Variants in AP1S3 observed in about 807,000 individuals in gnomAD.
AP1S3 encodes AP-1 complex subunit sigma-3.
AP1S3 carries 10 observed loss-of-function variants against 20.9 expected under a neutral mutation model. The ratio of observed to expected loss-of-function variants is 0.48; its 90% confidence interval spans 0.29 to 0.81. AP1S3 has a LOEUF of 0.81. Among genes scored for constraint, AP1S3 ranks in the 30% least tolerant of loss-of-function variants. The pLI is 0.08. For synonymous variants in AP1S3, 41 were observed against 61.5 expected, an observed-to-expected ratio of 0.67 and a Z score of 1.56; for missense variants, 154 against 183.8, an observed-to-expected ratio of 0.84 and a Z score of 0.94.
chr2:223,818,559 T>G (rs953251301), intron 1 of AP1S3, among the ~76,000 whole-genome samples: 2 of 151,480 alleles, frequency 1.3e-5, no homozygotes, highest in African/African-American at 4.9e-5. Context: ...TAGCAAATTT[T>G]CTTTTTTTTT....
chr2:223,774,072 A>C (rs1005582374), intron 3 of AP1S3, among the ~76,000 whole-genome samples: 2 of 152,206 alleles, frequency 1.3e-5, no homozygotes, highest in African/African-American at 2.4e-5. Flanking sequence ...GTATATAAAA[A>C]GGGAAATGTA....
intron 3 of AP1S3, among the ~76,000 whole-genome samples, chr2:223,768,129 G>A (rs1237348750): frequency 2.0e-5 from 3 of 152,258 alleles, no homozygotes; most frequent in Admixed American, 2.0e-4. Context: ...TTACCAGCCT[G>A]GGCCCTGCTG....
At chr2:223,798,165 T>G (rs968992461) in intron 1 of AP1S3, among the ~76,000 whole-genome samples, 1 of 152,184 alleles carries the variant, frequency 6.6e-6, no homozygotes. Flanking sequence ...CATAAAAAAT[T>G]TAAATCTCCA....
At chr2:223,788,880 C>T (rs1307882858) in intron 1 of AP1S3, among the ~76,000 whole-genome samples, 1 of 151,972 alleles carries the variant, frequency 6.6e-6, no homozygotes, top group Non-Finnish European at 1.5e-5. Flanking sequence ...GGTTTCTGAA[C>T]TTCCATCTCT....
chr2:223,813,264 A>C (rs1454668023), intron 1 of AP1S3, among the ~76,000 whole-genome samples: 1 of 152,070 alleles, frequency 6.6e-6, no homozygotes, highest in Non-Finnish European at 1.5e-5. Flanking sequence ...GCCATTTTGA[A>C]ACCTTAGTGA....
rs1690236810 is a variant in AP1S3 at position 223,756,984 on chromosome 2, TTTTC to T, written c.*1727_*1730del. 1 of 983,138 alleles carries T rather than the reference TTTTC, an allele frequency of 1.0e-6. No individual in the cohort carries two copies. Among genetic ancestry groups the T allele is most frequent in the South Asian group, 4.7e-5 (1 of 21,248 alleles). The allele number at this position is 983,138 out of a possible 1,614,324, so 60.9% of individuals were successfully genotyped here. A position where few individuals can be genotyped will look rare whatever the true frequency, so the allele number is the denominator to read the frequency against. Reference sequence around the variant, plus strand: ...AGACAGAATACTACAAGCTTTTACTTTTTCTTTTTTTTTTTTTTTTTCTTGAGAC... The same window carrying T: ...AGACAGAATACTACAAGCTTTTACTTTTTTTTTTTTTTTTTTTCTTGAGAC... On this transcript the variant is annotated 3_prime_UTR_variant, in exon 5 of 5. Transcript: ENST00000396654.
chr2:223,828,441 C>T (rs778864331), intron 1 of AP1S3, among the ~76,000 whole-genome samples: 5 of 151,904 alleles, frequency 3.3e-5, no homozygotes, highest in Admixed American at 2.0e-4. Context: ...GGGTTATAGG[C>T]GTGCACCACC....
intron 1 of AP1S3, among the ~76,000 whole-genome samples, chr2:223,789,213 C>CACACAT (rs1691150194): frequency 6.6e-6 from 1 of 150,844 alleles, no homozygotes; most frequent in African/African-American, 2.4e-5. Flanking sequence ...CATACACACA[C>CACACAT]ACAGAGTATA....
intron 3 of AP1S3, among the ~76,000 whole-genome samples, chr2:223,765,939 A>G (rs982021152): frequency 5.3e-5 from 8 of 152,208 alleles, no homozygotes; most frequent in African/African-American, 1.9e-4. Context: ...TTCCCAGGTG[A>G]TGCTGAGGCC....
rs534070344 is a variant in AP1S3 at position 223,827,178 on chromosome 2, C to T, written c.3+10270G>A. 1.8e-4 allele frequency among the ~76,000 whole-genome samples: 28 copies of T among 152,226 alleles called. No individual in the cohort carries two copies. In the South Asian group the frequency reaches 5.0e-3, roughly 27 times the overall value. ...TGATGTAGACTAGATTATCGTGAGA[C>T]GGAATGGACTTTGAAAGGCGGGACT... On this transcript the variant is annotated intron_variant, in intron 1 of 4. Coordinates refer to ENST00000396654, the MANE Select transcript of AP1S3 (RefSeq NM_001039569.2).
At chr2:223,777,331 G>A (rs1690807180) in intron 2 of AP1S3, among the ~76,000 whole-genome samples, 1 of 152,166 alleles carries the variant, frequency 6.6e-6, no homozygotes, top group African/African-American at 2.4e-5. Context: ...GGAGGTGGAA[G>A]TTGCAGTGAG....
chr2:223,817,754 G>A (rs1691881734), intron 1 of AP1S3, among the ~76,000 whole-genome samples: 3 of 151,958 alleles, frequency 2.0e-5, no homozygotes, highest in Admixed American at 6.6e-5. Flanking sequence ...ATGAGCTGAA[G>A]AACATCAGAG....
chr2:223,821,622 T>A (rs1691987951), intron 1 of AP1S3, among the ~76,000 whole-genome samples: 1 of 152,146 alleles, frequency 6.6e-6, no homozygotes, highest in African/African-American at 2.4e-5. Context: ...TCGTGAGCAA[T>A]GCAAGATTCG....
chr2:223,834,991 AG>A (rs1406538492), intron 1 of AP1S3, among the ~76,000 whole-genome samples: 2 of 152,218 alleles, frequency 1.3e-5, no homozygotes, highest in African/African-American at 2.4e-5. Context: ...TGTAGACACA[AG>A]AAAACTTCAC....
chr2:223,782,030 T>A (rs1690961125), intron 1 of AP1S3, among the ~76,000 whole-genome samples: 1 of 150,998 alleles, frequency 6.6e-6, no homozygotes, highest in Non-Finnish European at 1.5e-5. Context: ...TTTTTTTTTT[T>A]AGACAGAGTC....
chr2:223,821,671 T>A (rs893171634), intron 1 of AP1S3, among the ~76,000 whole-genome samples: 1 of 152,120 alleles, frequency 6.6e-6, no homozygotes, highest in African/African-American at 2.4e-5. Context: ...TGCATGGCTG[T>A]TGGCCCCTCC....
chr2:223,785,469 C>T (rs968755204), intron 1 of AP1S3, among the ~76,000 whole-genome samples: 9 of 152,096 alleles, frequency 5.9e-5, no homozygotes. Context: ...TATCTTACAA[C>T]AGTGGAATTA....
chr2:223,802,366 G>A (rs1212598918), intron 1 of AP1S3, among the ~76,000 whole-genome samples: 2 of 151,154 alleles, frequency 1.3e-5, no homozygotes, highest in African/African-American at 4.9e-5. Context: ...GCAGTGGTGT[G>A]ATCTTGGCTC....
chr2:223,832,157 G>C (rs1574736186), intron 1 of AP1S3, among the ~76,000 whole-genome samples: 1 of 147,410 alleles, frequency 6.8e-6, no homozygotes, highest in African/African-American at 2.5e-5. Flanking sequence ...GTGTGTGTGT[G>C]TGTGTGTGTG....
Sources: allele counts gnomAD v4.1 joint callset (sites outside exome capture counted in the v4.1 genomes callset), GRCh38; gene constraint gnomAD v4.1.1; transcripts MANE v1.5; gene names NCBI Gene and HGNC (gene_info 2026-07-23, HGNC 2026-07-21).